SPDYA: variants seen among roughly 807,000 people sequenced by gnomAD.
SPDYA encodes speedy/RINGO cell cycle regulator family member A.
SPDYA carries 11 observed loss-of-function variants against 36.7 expected under a neutral mutation model. That is an observed-to-expected ratio of 0.30 (90% CI 0.19 to 0.50). The LOEUF (loss-of-function observed/expected upper bound fraction) is 0.50. Among genes scored for constraint, SPDYA ranks in the 20% least tolerant of loss-of-function variants. The pLI is 0.98. For synonymous variants in SPDYA, 115 were observed against 118.7 expected (o/e 0.97, Z 0.20); for missense variants, 287 against 370.9 (o/e 0.77, Z 1.86).
chr2:28,824,354 G>C (rs1329827151), intron 5 of SPDYA, among the ~76,000 whole-genome samples: 1 of 151,600 alleles, frequency 6.6e-6, no homozygotes, highest in Non-Finnish European at 1.5e-5. Flanking sequence ...GCATGTGCCT[G>C]TAGTGCCAGC....
Position 28,814,624 on chromosome 2 carries a change from G to A in SPDYA, c.-81G>A, listed in dbSNP as rs1331046865. 6.6e-6 allele frequency: 1 copy of A among 152,144 alleles called. No homozygotes were observed. Among genetic ancestry groups the A allele is most frequent in the African/African-American group, 2.4e-5 (1 of 41,412 alleles). The allele number at this position is 152,144 out of a possible 1,614,324, so 9.4% of individuals were successfully genotyped here. On this transcript the variant is annotated 5_prime_UTR_variant, in exon 2 of 8. Transcript: ENST00000334056. ...ATCTTATTTTCCAGTCCTTCCTTCA[G>A]AAGGGAAATTTCTGAGGGTCAGGAA...
chr2:28,820,291 G>C (rs1668124311), intron 4 of SPDYA, among the ~76,000 whole-genome samples: 1 of 151,980 alleles, frequency 6.6e-6, no homozygotes, highest in Non-Finnish European at 1.5e-5. Context: ...TTTAGATTTT[G>C]TTGAATGGTT....
At chr2:28,820,041 CAG>C (rs1361558305) in intron 4 of SPDYA, among the ~76,000 whole-genome samples, 1 of 150,270 alleles carries the variant, frequency 6.7e-6, no homozygotes, top group African/African-American at 2.5e-5. Flanking sequence ...GAACCACAAA[CAG>C]AAAATCAGTA....
intron 1 of SPDYA, among the ~76,000 whole-genome samples, chr2:28,812,954 G>T (rs990549889): frequency 6.6e-6 from 1 of 151,346 alleles, no homozygotes; most frequent in African/African-American, 2.4e-5. Flanking sequence ...TTCCTAAAAT[G>T]GCTCATATTT....
At chr2:28,841,034 G>A (rs963574750) in intron 7 of SPDYA, among the ~76,000 whole-genome samples, 2 of 149,586 alleles carry the variant, frequency 1.3e-5, no homozygotes, top group African/African-American at 2.5e-5. Context: ...TCCCAGGTTC[G>A]GGTGATTCTC....
intron 6 of SPDYA, among the ~76,000 whole-genome samples, chr2:28,833,385 T>G (rs1668521621): frequency 6.6e-6 from 1 of 152,184 alleles, no homozygotes; most frequent in Non-Finnish European, 1.5e-5. Flanking sequence ...TCCCATCTCA[T>G]GGTCTTTGCA....
intron 5 of SPDYA, among the ~76,000 whole-genome samples, chr2:28,826,789 A>AT (rs1262163595): frequency 1.4e-5 from 2 of 147,868 alleles, no homozygotes; most frequent in African/African-American, 2.5e-5. Context: ...TAATTTTTGT[A>AT]TTTTTTTGTA....
rs1014142385 is a variant in SPDYA at position 28,816,210 on chromosome 2, A to G, written c.196A>G (p.Ile66Val). 2 of 1,613,632 alleles carry G rather than the reference A, an allele frequency of 1.2e-6. No individual in the cohort carries two copies. The highest frequency in any genetic ancestry group is 1.3e-5 in the African/African-American group (1 of 74,996). Reference protein sequence around the residue: ...SKRPKGPCLVIQRQDMTAFFK... With the variant: ...SKRPKGPCLVVQRQDMTAFFK... Reference sequence around the variant, plus strand: ...ACGCCCCAAAGGACCTTGTCTGGTTATACAGCGTCAGGATATGACTGCTTT... The same window carrying G: ...ACGCCCCAAAGGACCTTGTCTGGTTGTACAGCGTCAGGATATGACTGCTTT... Residue 66 changes from isoleucine (I) to valine (V), a missense_variant, in exon 3 of 8, where the codon ATA becomes GTA. Ile to Val is a conservative substitution (Grantham distance 29). Coordinates refer to ENST00000334056, the MANE Select transcript of SPDYA (RefSeq NM_182756.4).
In SPDYA at chr2:28,846,702, G is replaced by T. The variant is rs143835246; in HGVS notation, c.851-3148G>T. Reference sequence around the variant, plus strand: ...AGAATGGACAACTACCAAAGAAAAAGAAGAGAAATAGAAGAAAACTACACA... The same window carrying T: ...AGAATGGACAACTACCAAAGAAAAATAAGAGAAATAGAAGAAAACTACACA... On this transcript the variant is annotated intron_variant, in intron 7 of 7. Transcript: ENST00000334056. Among the ~76,000 whole-genome samples, 200 of 122,364 alleles carry T rather than the reference G, an allele frequency of 1.6e-3. 1 individual carries two copies. Among genetic ancestry groups the T allele is most frequent in the Non-Finnish European group, 2.7e-3 (159 of 58,768 alleles). 80.3% of individuals were successfully genotyped at this position (122,364 alleles called of 152,430 possible).
At chr2:28,835,286 C>T (rs916403587) in intron 6 of SPDYA, among the ~76,000 whole-genome samples, 2 of 150,198 alleles carry the variant, frequency 1.3e-5, no homozygotes, top group East Asian at 2.0e-4. Context: ...AGTGCAATGG[C>T]GTGATCTTGG....
intron 5 of SPDYA, among the ~76,000 whole-genome samples, chr2:28,826,731 C>T (rs1159776306): frequency 2.8e-5 from 4 of 143,330 alleles, no homozygotes; most frequent in Non-Finnish European, 6.0e-5. Flanking sequence ...CCTCCCACCT[C>T]AATCTCCCGA....
intron 4 of SPDYA, among the ~76,000 whole-genome samples, chr2:28,819,850 AT>A (rs57003650): frequency 0.099 from 680 of 6,866 alleles, 110 homozygotes; most frequent in South Asian, 0.17. Context: ...AAAAAAAAAA[AT>A]ATATATATAT....
Position 28,840,202 on chromosome 2 carries a change from T to C in SPDYA, c.583T>C (p.Trp195Arg), listed in dbSNP as rs771562997. 1.9e-6 allele frequency: 3 copies of C among 1,614,202 alleles called. No homozygotes were observed. The East Asian group carries it at 6.7e-5, about 36-fold the overall frequency. The change falls in exon 7 of 8, where the codon TGG (tryptophan) becomes CGG (arginine). Residue 195 changes from tryptophan to arginine, a missense_variant. Trp to Arg is a moderately radical substitution (Grantham distance 101). Coordinates refer to ENST00000334056, the MANE Select transcript of SPDYA (RefSeq NM_182756.4). ...VMAIAPTHYI[W>R]QRERSVHHSG... is the part of the protein sequence containing the mutation. ...GGCCATTGCACCAACCCATTATATC[T>C]GGCAAAGAGAACGTTCTGTTCATCA...
At position 28,829,306 on chromosome 2, in the gene SPDYA, G is replaced by A. The variant is rs1375283859; in HGVS notation, c.539G>A (p.Arg180Gln). The A allele has an allele frequency of 8.7e-6, 14 of 1,609,054 alleles. No individual in the cohort carries two copies. The South Asian group carries it at 1.0e-4, about 12-fold the overall frequency. ...GACTATAGGGCTATTGTAAGCAGGC[G>A]ATGTTGTGAGGAGGTAAGAATTTTA... is the stretch of plus-strand genomic sequence containing the variant. Reference protein sequence around the residue: ...RIDYRAIVSRRCCEEVMAIAP... With the variant: ...RIDYRAIVSRQCCEEVMAIAP... The change falls in exon 6 of 8, where the codon CGA becomes CAA. Residue 180 changes from arginine (R) to glutamine (Q), a missense_variant. Coordinates refer to ENST00000334056, the MANE Select transcript of SPDYA (RefSeq NM_182756.4).
At position 28,850,174 on chromosome 2, in the gene SPDYA, A is replaced by T. The variant is rs781714265; in HGVS notation, c.*233A>T. 9 of 1,596,112 alleles carry T rather than the reference A, an allele frequency of 5.6e-6. No homozygotes were observed. The African/African-American group carries it at 1.1e-4, about 19-fold the overall frequency. The stretch of plus-strand genomic sequence containing the variant: ...CTATTTTGATATTTTTCCATCTTCA[A>T]GTCAGTTACTGTCATCTGGAGTACT... On this transcript the variant is annotated 3_prime_UTR_variant, in exon 8 of 8. Coordinates refer to ENST00000334056, the MANE Select transcript of SPDYA (RefSeq NM_182756.4).
chr2:28,847,510 G>A (rs965583874), intron 7 of SPDYA, among the ~76,000 whole-genome samples: 4 of 151,700 alleles, frequency 2.6e-5, no homozygotes, highest in African/African-American at 9.7e-5. Context: ...GGGAGGCCGA[G>A]GCAGGTGGAT....
At chr2:28,834,518 C>T (rs563131351) in intron 6 of SPDYA, among the ~76,000 whole-genome samples, 5 of 152,160 alleles carry the variant, frequency 3.3e-5, no homozygotes, top group Non-Finnish European at 7.3e-5. Flanking sequence ...TATATCCCTA[C>T]AATAAAATAT....
At chr2:28,835,449 C>A (rs2148098837) in intron 6 of SPDYA, among the ~76,000 whole-genome samples, 1 of 152,188 alleles carries the variant, frequency 6.6e-6, no homozygotes, top group East Asian at 1.9e-4. Flanking sequence ...GGTGGCCAGG[C>A]TGGTCTCAAA....
intron 5 of SPDYA, among the ~76,000 whole-genome samples, chr2:28,823,827 C>A (rs1296117569): frequency 7.3e-6 from 1 of 136,910 alleles, no homozygotes; most frequent in Non-Finnish European, 1.6e-5. Context: ...CTCACTGCAA[C>A]CTCTGCCTCC....
Sources: gnomAD v4.1 joint callset for allele counts (sites outside exome capture counted in the v4.1 genomes callset) on GRCh38, gnomAD v4.1.1 for gene constraint, MANE v1.5 for transcripts, NCBI Gene and HGNC (gene_info 2026-07-23, HGNC 2026-07-21) for gene names.